The following CSMD1 variants were observed in gnomAD, a reference collection of about 807,000 sequenced individuals.
The protein encoded by CSMD1 is CUB and Sushi multiple domains 1.
CSMD1 carries 213 observed loss-of-function variants against 417.5 expected under a neutral mutation model. The observed-to-expected ratio is 0.51, with a 90% CI of 0.46 to 0.57. CSMD1 has a LOEUF of 0.57. Ranked by LOEUF, CSMD1 falls within the 20% of genes least tolerant of loss-of-function variation. The pLI is 0.00. For missense variants in CSMD1, 6,923 were observed against 4,529.7 expected, an observed-to-expected ratio of 1.53 and a Z score of -15.17; for synonymous variants, 2,862 against 1,736.8, an observed-to-expected ratio of 1.65 and a Z score of -16.11.
At chr8:4,627,174 G>T (rs910102597) in intron 2 of CSMD1, among the ~76,000 whole-genome samples, 2 of 152,062 alleles carry the variant, frequency 1.3e-5, no homozygotes, top group African/African-American at 4.8e-5. Flanking sequence ...TGTTTATTCT[G>T]AATGTTTAGC....
intron 8 of CSMD1, among the ~76,000 whole-genome samples, chr8:3,609,713 G>T (rs1272907763): frequency 4.4e-5 from 6 of 135,886 alleles, no homozygotes; most frequent in Non-Finnish European, 9.3e-5. Flanking sequence ...TTACATGTTA[G>T]TCATTAGTTT....
At chr8:3,028,480 C>T (rs1193818244) in intron 51 of CSMD1, among the ~76,000 whole-genome samples, 2 of 152,170 alleles carry the variant, frequency 1.3e-5, no homozygotes, top group Non-Finnish European at 2.9e-5. Context: ...GCAGGGCTAT[C>T]TTAGAGAAAC....
At chr8:2,969,890 C>T (rs1258980816) in intron 57 of CSMD1, among the ~76,000 whole-genome samples, 11 of 152,090 alleles carry the variant, frequency 7.2e-5, no homozygotes, top group Admixed American at 6.5e-4. Context: ...TTGCAGTGGG[C>T]TTATTCAGCT....
chr8:4,546,868 C>G (rs908137715), intron 2 of CSMD1, among the ~76,000 whole-genome samples: 5 of 151,870 alleles, frequency 3.3e-5, no homozygotes, highest in African/African-American at 1.2e-4. Context: ...TATATCCTAT[C>G]TGTACACTGC....
At chr8:2,955,890 A>G in intron 63 of CSMD1, 122 bp from the exon 64 acceptor site, 1 of 610,178 alleles carries the variant, frequency 1.6e-6, no homozygotes, top group Non-Finnish European at 2.7e-6. Flanking sequence ...ATATATACAT[A>G]TATATACACA....
At chr8:4,395,971 A>T (rs1203730502) in intron 3 of CSMD1, among the ~76,000 whole-genome samples, 1 of 152,196 alleles carries the variant, frequency 6.6e-6, no homozygotes, top group Non-Finnish European at 1.5e-5. Flanking sequence ...ACTTTAGATA[A>T]ATATATTCTG....
intron 3 of CSMD1, among the ~76,000 whole-genome samples, chr8:4,304,657 A>G (rs113204139): frequency 3.3e-5 from 5 of 152,146 alleles, no homozygotes; most frequent in Non-Finnish European, 7.4e-5. Flanking sequence ...TACCCAAATA[A>G]TGCACCTATC....
intron 50 of CSMD1, among the ~76,000 whole-genome samples, chr8:3,041,196 G>GACTTAATAAAAA (rs1811067127): frequency 6.6e-6 from 1 of 151,804 alleles, no homozygotes; most frequent in Admixed American, 6.6e-5. Flanking sequence ...AATTTTACAG[G>GACTTAATAAAAA]GTTAAAGCAA....
At chr8:3,840,331 T>G (rs1803044617) in intron 5 of CSMD1, among the ~76,000 whole-genome samples, 1 of 152,144 alleles carries the variant, frequency 6.6e-6, no homozygotes, top group Admixed American at 6.6e-5. Flanking sequence ...CGCTGTCCTG[T>G]TAACAGAAAT....
chr8:3,062,182 T>C (rs1165325436), intron 49 of CSMD1, among the ~76,000 whole-genome samples: 1 of 152,208 alleles, frequency 6.6e-6, no homozygotes, highest in Non-Finnish European at 1.5e-5. Context: ...CCCTTATCTT[T>C]GATTTCCAAA....
intron 1 of CSMD1, among the ~76,000 whole-genome samples, chr8:4,809,859 T>A (rs1027983086): frequency 2.0e-5 from 3 of 152,216 alleles, no homozygotes; most frequent in Non-Finnish European, 4.4e-5. Flanking sequence ...AACAGCCACA[T>A]GGGGCAAGCG....
chr8:3,669,117 G>C (rs559174795), intron 7 of CSMD1, among the ~76,000 whole-genome samples: 1 of 152,162 alleles, frequency 6.6e-6, no homozygotes, highest in Non-Finnish European at 1.5e-5. Context: ...AGAAAAATTA[G>C]TTAATTATCC....
intron 5 of CSMD1, among the ~76,000 whole-genome samples, chr8:3,957,070 C>A (rs781148820): frequency 6.6e-6 from 1 of 152,020 alleles, no homozygotes; most frequent in South Asian, 2.1e-4. Flanking sequence ...ACAAAAACGC[C>A]GGGGGAGGCT....
intron 3 of CSMD1, among the ~76,000 whole-genome samples, chr8:4,162,351 T>A (rs1797224397): frequency 6.6e-6 from 1 of 152,186 alleles, no homozygotes; most frequent in Admixed American, 6.5e-5. Flanking sequence ...TGCTTGTTTT[T>A]AGGTAATTTT....
At chr8:3,782,971 G>C (rs1241505340) in intron 5 of CSMD1, among the ~76,000 whole-genome samples, 1 of 152,126 alleles carries the variant, frequency 6.6e-6, no homozygotes, top group East Asian at 1.9e-4. Flanking sequence ...GTAGGTACAG[G>C]ATTGTTAGCT....
At chr8:4,770,288 G>A (rs565333314) in intron 1 of CSMD1, among the ~76,000 whole-genome samples, 2 of 147,074 alleles carry the variant, frequency 1.4e-5, no homozygotes, top group African/African-American at 4.9e-5. Flanking sequence ...ATATGTGTAT[G>A]GGAATATATA....
chr8:3,478,012 A>G (rs935546138), intron 11 of CSMD1, among the ~76,000 whole-genome samples: 7 of 152,214 alleles, frequency 4.6e-5, no homozygotes, highest in Non-Finnish European at 1.0e-4. Context: ...AAAACTGAAG[A>G]TAATTCATAC....
At chr8:3,557,343 G>C (rs1402769468) in intron 10 of CSMD1, among the ~76,000 whole-genome samples, 1 of 152,052 alleles carries the variant, frequency 6.6e-6, no homozygotes, top group Admixed American at 6.6e-5. Flanking sequence ...CCTCTCTAGT[G>C]GGGTAAAACA....
chr8:4,637,068 C>A (rs1277126984), intron 2 of CSMD1, among the ~76,000 whole-genome samples: 2 of 152,050 alleles, frequency 1.3e-5, no homozygotes, highest in Non-Finnish European at 2.9e-5. Context: ...CAAAAGCAGC[C>A]CAACGGGTTG....
Sources: allele counts gnomAD v4.1 joint callset (sites outside exome capture counted in the v4.1 genomes callset), GRCh38; gene constraint gnomAD v4.1.1; transcripts MANE v1.5; gene names NCBI Gene and HGNC (gene_info 2026-07-23, HGNC 2026-07-21).